The following EPHB4 variants were observed in gnomAD, a reference collection of about 807,000 sequenced individuals.
The protein encoded by EPHB4 is ephrin type-B receptor 4.
Under a neutral mutation model 110.6 loss-of-function variants are expected in EPHB4, and 50 were observed. The ratio of observed to expected loss-of-function variants is 0.45; its 90% CI spans 0.36 to 0.57. The LOEUF (loss-of-function observed/expected upper bound fraction) is 0.57. Ranked by LOEUF, EPHB4 falls within the 20% of genes least tolerant of loss-of-function variation. EPHB4 has a pLI of 0.00. For synonymous variants in EPHB4, 592 were observed against 578.4 expected (o/e 1.02, Z -0.34); for missense variants, 1,128 against 1,382.1 (o/e 0.82, Z 2.91).
rs1562972399 is a variant in EPHB4, at chr7:100,820,298, T to TGA, written c.809-4_809-3dup. On this transcript the variant is annotated splice_region_variant and splice_polypyrimidine_tract_variant and intron_variant, in intron 4 of 16. Transcript: ENST00000358173. ...GCTTGAAGGTGCCCTGGGCACAGGC[T>TGA]GAGAGAGAGAAAGCATTCATCAAAA... 1.2e-6 allele frequency: 2 copies of TGA among 1,613,054 alleles called. No individual in the cohort carries two copies. The highest frequency in any genetic ancestry group is 1.7e-6 in the Non-Finnish European group (2 of 1,179,752).
Position 100,819,850 on chromosome 7 carries a change from T to C in EPHB4, c.1004A>G (p.Asn335Ser). The C allele has an allele frequency of 6.4e-7, 1 of 1,552,614 alleles. No individual in the cohort carries two copies. Among genetic ancestry groups the C allele is most frequent in the African/African-American group, 1.4e-5 (1 of 73,282 alleles). The change falls in exon 6 of 17, where the codon AAC becomes AGC. Residue 335 changes from asparagine to serine, a missense_variant. Asn to Ser is a conservative substitution (Grantham distance 46, BLOSUM62 1). Around this residue, in one of 3 missense-constraint regions of EPHB4, gnomAD observed 728 missense variants for 828.6 expected, o/e 0.88. Transcript: ENST00000358173. ...CCATTCCAGGTGCAGGGAGGAGCCGTTCAGGCGGGAAACCACGCTCCGCGG... is the reference window on the plus strand; with the variant it reads ...CCATTCCAGGTGCAGGGAGGAGCCGCTCAGGCGGGAAACCACGCTCCGCGG... Reference protein sequence around the residue: ...SAPRSVVSRLNGSSLHLEWSA... With the variant: ...SAPRSVVSRLSGSSLHLEWSA...
chr7:100,817,869 TTTTTTTTTTTTTTTG>T, intron 7 of EPHB4, among the ~76,000 whole-genome samples: 1 of 129,138 alleles, frequency 7.7e-6, no homozygotes, highest in East Asian at 2.3e-4. Context: ...GTTTTTTTTT[TTTTTTTTTTTTTTTG>T]GAGACAGAGT....
chr7:100,809,211 A>G (rs1812878728), intron 12 of EPHB4, among the ~76,000 whole-genome samples: 1 of 152,048 alleles, frequency 6.6e-6, no homozygotes, highest in South Asian at 2.1e-4. Flanking sequence ...AGTTCAAGCG[A>G]TTCTCCTGTC....
At chr7:100,813,759 C>T (rs777112797) in intron 9 of EPHB4, 43 bp from the exon 10 acceptor site, 2 of 1,613,216 alleles carry the variant, frequency 1.2e-6, no homozygotes, top group East Asian at 2.2e-5. Context: ...CTGAGTCACA[C>T]ATCTTTATGA....
intron 13 of EPHB4, 74 bp downstream of exon 13, chr7:100,807,291 G>T: frequency 6.6e-7 from 1 of 1,510,586 alleles, no homozygotes; most frequent in Non-Finnish European, 9.1e-7. Context: ...CAAACCCTCA[G>T]CCTCCCACCT....
rs1221198209 is a variant in EPHB4 at position 100,822,700 on chromosome 7, C to T, written c.412-33G>A. ...CGGGGGGGAGGCACACCGCTGCTGT[C>T]CCCACTCCCTGAGGACCCAGCGGAC... On this transcript the variant is annotated intron_variant, in intron 3 of 16. Transcript: ENST00000358173. This position sits in a 1 kb window ranked among gnomAD's most constrained non-coding sequence, Gnocchi z 4.7. 1.3e-6 allele frequency: 2 copies of T among 1,503,888 alleles called. No individual in the cohort carries two copies. The highest frequency in any genetic ancestry group is 2.1e-5 in the Admixed American group (1 of 47,394). The allele number at this position is 1,503,888 out of a possible 1,614,324, so 93.2% of individuals were successfully genotyped here. A position where few individuals can be genotyped will look rare whatever the true frequency, so the allele number is the denominator to read the frequency against.
chr7:100,819,581 C>T lies in EPHB4; in HGVS notation c.1273G>A (p.Val425Ile). The change falls in exon 6 of 17, where the codon GTC becomes ATC. Residue 425 changes from valine (V) to isoleucine (I), a missense_variant. By Grantham distance (29) the Val-to-Ile change is conservative. Transcript: ENST00000358173. ...LATGPVPFEPVNVTTDREVPP... is the reference protein window; with the variant it reads ...LATGPVPFEPINVTTDREVPP... Reference sequence around the variant, plus strand: ...CCCTCTCGGTCAGTGGTGACATTGACAGGCTCAAATGGGACGGGCCCCGTG... The same window carrying T: ...CCCTCTCGGTCAGTGGTGACATTGATAGGCTCAAATGGGACGGGCCCCGTG... 2 of 1,574,088 alleles carry T rather than the reference C, an allele frequency of 1.3e-6. No homozygotes were observed. Among genetic ancestry groups the T allele is most frequent in the Non-Finnish European group, 1.7e-6 (2 of 1,153,796 alleles).
In EPHB4 at chr7:100,823,766, A is replaced by C; in HGVS notation, c.289T>G (p.Cys97Gly). 1 of 1,613,542 alleles carries C rather than the reference A, an allele frequency of 6.2e-7. No individual in the cohort carries two copies. The highest frequency in any genetic ancestry group is 8.5e-7 in the Non-Finnish European group (1 of 1,179,942). The change falls in exon 3 of 17, where the codon TGC (cysteine) becomes GGC (glycine). Residue 97 changes from cysteine to glycine, a missense_variant. Transcript: ENST00000358173. ...YATLRFTMLE[C>G]LSLPRAGRSC... The stretch of plus-strand genomic sequence containing the variant: ...CGCCCAGCCCGAGGCAGGGACAGGC[A>C]CTCGAGCATGGTGAAGCGCAGCGTG...
intron 12 of EPHB4, 47 bp downstream of exon 12, chr7:100,812,700 G>A (rs1562969121): frequency 5.0e-6 from 8 of 1,584,454 alleles, no homozygotes; most frequent in Middle Eastern, 1.7e-4. Flanking sequence ...GCCTCTGGGT[G>A]TAAGTGGGAA....
Position 100,820,231 on chromosome 7 carries a change from T to C in EPHB4, c.874A>G (p.Ser292Gly), listed in dbSNP as rs1165688220. Residue 292 changes from serine (S) to glycine (G), a missense_variant, in exon 5 of 17, where the codon AGC (serine) becomes GGC (glycine). Transcript: ENST00000358173. ...GCTGATCCAATGGTGTTAGAGTGGC[T>C]ATTGGCTGGGCATGGCTGGCAGGAC... is the stretch of plus-strand genomic sequence containing the variant. ...EGSCQPCPANSHSNTIGSAVC... is the reference protein window; with the variant it reads ...EGSCQPCPANGHSNTIGSAVC... 5 of 1,613,950 alleles carry C rather than the reference T, an allele frequency of 3.1e-6. No individual in the cohort carries two copies. In the South Asian group the frequency reaches 5.5e-5, roughly 18 times the overall value.
intron 1 of EPHB4, chr7:100,825,650 A>C (rs1192626753): frequency 1.3e-5 from 2 of 152,208 alleles, no homozygotes; most frequent in Non-Finnish European, 2.9e-5. Context: ...CCTTGGATAA[A>C]CTACTTAACC....
intron 12 of EPHB4, among the ~76,000 whole-genome samples, chr7:100,809,117 A>AT (rs1055246258): frequency 2.0e-5 from 3 of 151,690 alleles, no homozygotes; most frequent in African/African-American, 4.8e-5. Context: ...TTATTTATTT[A>AT]TTTTTTTGAG....
chr7:100,818,742 AC>A lies in EPHB4; in HGVS notation c.1298-99del, dbSNP rs755035604. 2.5e-4 allele frequency: 349 copies of A among 1,419,928 alleles called. 1 individual carries two copies. Among genetic ancestry groups the A allele is most frequent in the Non-Finnish European group, 3.2e-4 (340 of 1,070,918 alleles). The allele number at this position is 1,419,928 out of a possible 1,614,324, so 88.0% of individuals were successfully genotyped here. On this transcript the variant is annotated intron_variant, in intron 6 of 16. Coordinates refer to ENST00000358173, the MANE Select transcript of EPHB4 (RefSeq NM_004444.5). ...TTTCGAGACGGAGTCGTGCTCTATCACCCAGGCTGGAGTGCAGTGGCGCAGT... is the reference window on the plus strand; with the variant it reads ...TTTCGAGACGGAGTCGTGCTCTATCACCAGGCTGGAGTGCAGTGGCGCAGT...
rs2116434869 is a variant in EPHB4 at position 100,813,900 on chromosome 7, T to G, written c.1691+19A>C. On this transcript the variant is annotated intron_variant, in intron 9 of 16. Coordinates refer to ENST00000358173, the MANE Select transcript of EPHB4 (RefSeq NM_004444.5). ...TCAACTGAGGGCTTCCAGGGGCCTC[T>G]GGGTGTCAGAGCCCTTACCTGAGGC... is the stretch of plus-strand genomic sequence containing the variant. 7 of 1,613,536 alleles carry G rather than the reference T, an allele frequency of 4.3e-6. No homozygotes were observed. The highest frequency in any genetic ancestry group is 2.2e-5 in the East Asian group (1 of 44,872).
chr7:100,817,142 A>G (rs775381303), intron 8 of EPHB4, 50 bp downstream of exon 8: 2 of 1,442,492 alleles, frequency 1.4e-6, no homozygotes, highest in Non-Finnish European at 1.8e-6. Context: ...CTTCCCAGGA[A>G]CTTTGGGGGT....
rs760088877 is a variant in EPHB4 at position 100,822,659 on chromosome 7, C to T, written c.420G>A (p.Thr140=). 5.6e-5 allele frequency: 88 copies of T among 1,570,246 alleles called. No homozygotes were observed. The highest frequency in any genetic ancestry group is 9.0e-5 in the Admixed American group (5 of 55,812). The change falls in exon 4 of 17, where the codon ACG becomes ACA. Residue 140 remains threonine (T), a synonymous_variant. Coordinates refer to ENST00000358173, the MANE Select transcript of EPHB4 (RefSeq NM_004444.5). This position sits in a 1 kb window ranked among gnomAD's most constrained non-coding sequence, Gnocchi z 4.7. ...TCCGGGTGAGATGCTCCGCGGCCAC[C>T]GTGTCCACCTGCCGGCGGGGGGGAG... ...WMENPYIKVD[T]VAAEHLTRKR...
chr7:100,812,830 G>A lies in EPHB4; in HGVS notation c.2035C>T (p.Leu679=), dbSNP rs746324269. 4.3e-6 allele frequency: 7 copies of A among 1,614,236 alleles called. No individual in the cohort carries two copies. In the Admixed American group the frequency reaches 5.0e-5, roughly 12 times the overall value. ...GQFEHPNIIR[L]EGVVTNSMPV... is the part of the protein sequence containing the mutation. ...ATGCTGTTGGTGACCACGCCCTCCA[G>A]GCGGATGATATTGGGGTGCTCGAAC... Residue 679 remains leucine (L), a synonymous_variant, in exon 12 of 17, where the codon CTG becomes TTG. Coordinates refer to ENST00000358173, the MANE Select transcript of EPHB4 (RefSeq NM_004444.5).
At chr7:100,824,487 G>T in intron 1 of EPHB4, 1 of 573,886 alleles carries the variant, frequency 1.7e-6, no homozygotes, top group African/African-American at 1.9e-5. Flanking sequence ...GGTAGGCATG[G>T]GGCTCCCTTG....
intron 14 of EPHB4, 73 bp from the exon 15 acceptor site, chr7:100,805,767 G>C: frequency 7.4e-7 from 1 of 1,357,056 alleles, no homozygotes; most frequent in South Asian, 2.1e-5. Flanking sequence ...CCAGGAAATG[G>C]TGACTTGGAA....
Sources: allele counts gnomAD v4.1 joint callset (sites outside exome capture counted in the v4.1 genomes callset), GRCh38; gene constraint gnomAD v4.1.1; regional missense constraint gnomAD v4.1.1; non-coding constraint Gnocchi (gnomAD v3.1); transcripts MANE v1.5; gene names NCBI Gene and HGNC (gene_info 2026-07-23, HGNC 2026-07-21).